Variants in NT5C2 observed in about 807,000 individuals in gnomAD.
NT5C2 encodes the protein 5'-nucleotidase, cytosolic II, also known as cytosolic purine 5'-nucleotidase.
A neutral mutation model predicts 76.1 loss-of-function variants in NT5C2; 58 were observed. The observed-to-expected ratio is 0.76, with a 90% CI of 0.62 to 0.95. NT5C2 has a LOEUF of 0.95. Ranked by LOEUF, NT5C2 falls within the 40% of genes least tolerant of loss-of-function variation. The pLI, the probability that NT5C2 is intolerant of heterozygous loss-of-function variation, is 0.00. For missense variants in NT5C2, 478 were observed against 690.3 expected (o/e 0.69, Z 3.45); for synonymous variants, 229 against 237.4 (o/e 0.96, Z 0.32).
intron 2 of NT5C2, among the ~76,000 whole-genome samples, chr10:103,178,946 CTTTTTTTCT>C (rs1564639748): frequency 5.1e-5 from 7 of 136,198 alleles, no homozygotes; most frequent in Non-Finnish European, 1.1e-4. Flanking sequence ...TTTCTTTTTT[CTTTTTTTCT>C]TTTTTTTTTT....
intron 2 of NT5C2, among the ~76,000 whole-genome samples, chr10:103,179,510 G>A (rs1252491781): frequency 6.6e-6 from 1 of 152,034 alleles, no homozygotes; most frequent in Non-Finnish European, 1.5e-5. Context: ...CCAAGTAGCT[G>A]GGATTACAGG....
At chr10:103,188,830 C>G (rs1309157832) in intron 1 of NT5C2, among the ~76,000 whole-genome samples, 1 of 152,088 alleles carries the variant, frequency 6.6e-6, no homozygotes, top group Non-Finnish European at 1.5e-5. Flanking sequence ...GGTGAAACCC[C>G]ATCTCTACCG....
chr10:103,187,551 TAA>T (rs769511019), intron 1 of NT5C2, among the ~76,000 whole-genome samples: 17 of 85,724 alleles, frequency 2.0e-4, no homozygotes, highest in Admixed American at 2.7e-4. Context: ...GAATCCATCT[TAA>T]AAAAAAAAAA....
intron 3 of NT5C2, among the ~76,000 whole-genome samples, chr10:103,154,876 A>C (rs2083051368): frequency 6.6e-6 from 1 of 152,236 alleles, no homozygotes; most frequent in Non-Finnish European, 1.5e-5. Context: ...TAAGGGTGCC[A>C]ACTTCCCATG....
intron 4 of NT5C2, among the ~76,000 whole-genome samples, chr10:103,138,369 C>T (rs11191574): frequency 0.094 from 14,366 of 152,130 alleles, 891 homozygotes; most frequent in East Asian, 0.28. Context: ...CCTATAAACC[C>T]GTCATCTAGG....
chr10:103,095,920 A>G lies in NT5C2; in HGVS notation c.813+19T>C, dbSNP rs201832517. 172 of 1,601,568 alleles carry G rather than the reference A, an allele frequency of 1.1e-4. No individual in the cohort carries two copies. The highest frequency in any genetic ancestry group is 1.3e-4 in the African/African-American group (10 of 74,726). On this transcript the variant is annotated intron_variant, in intron 12 of 18. Coordinates refer to ENST00000404739, the MANE Select transcript of NT5C2 (RefSeq NM_001351169.2). ...TTCATTGTTATTAAAGCAGTGGTCT[A>G]TTGAGTCACATACGGTACCTTGGGG...
intron 6 of NT5C2, 65 bp from the exon 7 acceptor site, chr10:103,101,391 T>G (rs958543531): frequency 1.1e-6 from 1 of 936,434 alleles, no homozygotes; most frequent in Middle Eastern, 3.1e-4. Context: ...GGAAATAGCA[T>G]TATTCAAAAA....
At chr10:103,130,583 T>TAAAAAAAAAAAAAAAAA (rs5787482) in intron 4 of NT5C2, among the ~76,000 whole-genome samples, 1 of 137,370 alleles carries the variant, frequency 7.3e-6, no homozygotes, top group Non-Finnish European at 1.5e-5. Flanking sequence ...AAATAAAAAT[T>TAAAAAAAAAAAAAAAAA]AAAAAAAAAA....
intron 6 of NT5C2, among the ~76,000 whole-genome samples, chr10:103,102,258 C>A (rs2069914094): frequency 6.6e-6 from 1 of 152,006 alleles, no homozygotes; most frequent in African/African-American, 2.4e-5. Flanking sequence ...CCTAGAAAAA[C>A]ATGTGTGTAT....
At chr10:103,124,293 C>T (rs1200060100) in intron 4 of NT5C2, among the ~76,000 whole-genome samples, 1 of 151,906 alleles carries the variant, frequency 6.6e-6, no homozygotes, top group African/African-American at 2.4e-5. Context: ...CTCATGGAAA[C>T]ATGCTCTGTT....
intron 3 of NT5C2, among the ~76,000 whole-genome samples, chr10:103,150,294 A>G (rs1297510621): frequency 6.6e-6 from 1 of 152,210 alleles, no homozygotes; most frequent in African/African-American, 2.4e-5. Context: ...GGAATCAAGT[A>G]TTACTTTGTC....
intron 6 of NT5C2, among the ~76,000 whole-genome samples, chr10:103,101,975 C>T (rs984290662): frequency 6.6e-6 from 1 of 152,120 alleles, no homozygotes; most frequent in Non-Finnish European, 1.5e-5. Context: ...GCAGATTAAG[C>T]TACTGTTTCT....
intron 4 of NT5C2, among the ~76,000 whole-genome samples, chr10:103,127,339 C>T (rs2076857647): frequency 6.6e-6 from 1 of 152,136 alleles, no homozygotes; most frequent in South Asian, 2.1e-4. Flanking sequence ...TTGTTCTGTT[C>T]TATATACAAA....
chr10:103,096,008 C>T, intron 11 of NT5C2, 28 bp from the exon 12 acceptor site: 1 of 1,578,278 alleles, frequency 6.3e-7, no homozygotes, highest in Non-Finnish European at 8.7e-7. Context: ...ACATAAGGTC[C>T]ATATACTACT....
chr10:103,105,047 T>C (rs994508169), intron 6 of NT5C2, among the ~76,000 whole-genome samples: 1 of 152,160 alleles, frequency 6.6e-6, no homozygotes, highest in African/African-American at 2.4e-5. Context: ...TTTGAAAATA[T>C]CGGGACATTT....
At chr10:103,120,280 G>A (rs898495660) in intron 4 of NT5C2, among the ~76,000 whole-genome samples, 1 of 151,990 alleles carries the variant, frequency 6.6e-6, no homozygotes, top group African/African-American at 2.4e-5. Context: ...GAAAAAAACA[G>A]ATAAACTGGA....
At chr10:103,138,246 C>A (rs2079668568) in intron 4 of NT5C2, among the ~76,000 whole-genome samples, 1 of 152,076 alleles carries the variant, frequency 6.6e-6, no homozygotes, top group African/African-American at 2.4e-5. Context: ...GAAAAGAAAC[C>A]CCAGTACATC....
chr10:103,161,460 G>GC (rs1272308298), intron 3 of NT5C2, among the ~76,000 whole-genome samples: 1 of 152,164 alleles, frequency 6.6e-6, no homozygotes, highest in Non-Finnish European at 1.5e-5. Context: ...GGGATTACAG[G>GC]CATCAGCCAC....
chr10:103,171,207 G>A (rs1031898829), intron 3 of NT5C2, among the ~76,000 whole-genome samples: 18 of 152,012 alleles, frequency 1.2e-4, no homozygotes, highest in Non-Finnish European at 1.0e-4. Flanking sequence ...AATATCACCA[G>A]CCTACTTAAA....
Sources: gnomAD v4.1 joint callset for allele counts (sites outside exome capture counted in the v4.1 genomes callset) on GRCh38, gnomAD v4.1.1 for gene constraint, MANE v1.5 for transcripts, NCBI Gene and HGNC (gene_info 2026-07-23, HGNC 2026-07-21) for gene names.